The following MAGI1 variants were observed in gnomAD, a reference collection of about 807,000 sequenced individuals.
The protein encoded by MAGI1 is membrane-associated guanylate kinase, WW and PDZ domain-containing protein 1.
Under a neutral mutation model 139.9 loss-of-function variants are expected in MAGI1, and 58 were observed. That is an observed-to-expected ratio of 0.41 (90% CI 0.34 to 0.52). The LOEUF (loss-of-function observed/expected upper bound fraction) is 0.52, where lower values mean the gene tolerates loss of function less well. Among genes scored for constraint, MAGI1 ranks in the 20% least tolerant of loss-of-function variants. MAGI1 has a pLI of 0.12. For synonymous variants in MAGI1, 812 were observed against 737.9 expected (o/e 1.10, Z -1.63); for missense variants, 1,874 against 1,901.6 (o/e 0.99, Z 0.27).
intron 12 of MAGI1, among the ~76,000 whole-genome samples, chr3:65,429,051 A>T (rs1396263874): frequency 3.3e-5 from 5 of 152,140 alleles, no homozygotes; most frequent in Non-Finnish European, 7.4e-5. Flanking sequence ...GTTTGGAGTG[A>T]CCATAGCCAC....
At chr3:65,440,851 G>A (rs200998879) in intron 8 of MAGI1, among the ~76,000 whole-genome samples, 9 of 16,038 alleles carry the variant, frequency 5.6e-4, no homozygotes, top group African/African-American at 1.2e-3. Context: ...ATATACATAT[G>A]TATACATATA....
intron 12 of MAGI1, among the ~76,000 whole-genome samples, chr3:65,417,258 A>C (rs1946292492): frequency 6.6e-6 from 1 of 152,182 alleles, no homozygotes; most frequent in Admixed American, 6.5e-5. Context: ...TCTGCAGCAA[A>C]CCACCATGGC....
chr3:65,369,919 A>G (rs961114734), intron 18 of MAGI1, among the ~76,000 whole-genome samples: 17 of 152,200 alleles, frequency 1.1e-4, no homozygotes, highest in Non-Finnish European at 2.4e-4. Context: ...TGAAGTAAAT[A>G]TTCGAGTAAA....
intron 1 of MAGI1, among the ~76,000 whole-genome samples, chr3:65,690,883 T>C (rs2088570354): frequency 6.6e-6 from 1 of 152,304 alleles, no homozygotes; most frequent in Admixed American, 6.5e-5. Flanking sequence ...AATACTATGA[T>C]ATTCTGAGCA....
At chr3:65,421,552 C>T (rs1946629461) in intron 12 of MAGI1, among the ~76,000 whole-genome samples, 1 of 152,142 alleles carries the variant, frequency 6.6e-6, no homozygotes, top group African/African-American at 2.4e-5. Flanking sequence ...TTGTAACTTG[C>T]TGATAGCTCA....
intron 1 of MAGI1, among the ~76,000 whole-genome samples, chr3:65,825,813 C>G (rs1037463980): frequency 1.1e-4 from 16 of 152,042 alleles, no homozygotes; most frequent in African/African-American, 3.9e-4. Flanking sequence ...TATGGTGAAA[C>G]CCCGTCTCCA....
intron 1 of MAGI1, among the ~76,000 whole-genome samples, chr3:65,878,296 C>A (rs1159077607): frequency 6.6e-6 from 1 of 151,918 alleles, no homozygotes; most frequent in Non-Finnish European, 1.5e-5. Context: ...GCGGGCAGAT[C>A]ACCTGATATC....
At chr3:65,818,731 G>A (rs530679471) in intron 1 of MAGI1, among the ~76,000 whole-genome samples, 58 of 152,256 alleles carry the variant, frequency 3.8e-4, no homozygotes, top group Admixed American at 1.9e-3. Context: ...TCTTACTGAG[G>A]AGTTTCAACT....
At chr3:65,784,771 T>C (rs536723602) in intron 1 of MAGI1, among the ~76,000 whole-genome samples, 1 of 151,838 alleles carries the variant, frequency 6.6e-6, no homozygotes, top group African/African-American at 2.4e-5. Flanking sequence ...AACCACGGAA[T>C]AATATTTGGG....
intron 1 of MAGI1, among the ~76,000 whole-genome samples, chr3:65,819,126 A>C (rs2041788746): frequency 6.6e-6 from 1 of 152,092 alleles, no homozygotes; most frequent in Non-Finnish European, 1.5e-5. Context: ...CTCTATTAAA[A>C]ATACAAAATT....
At chr3:65,967,055 C>G (rs998816227) in intron 1 of MAGI1, among the ~76,000 whole-genome samples, 1 of 152,138 alleles carries the variant, frequency 6.6e-6, no homozygotes, top group African/African-American at 2.4e-5. Context: ...GCAACTTGCC[C>G]AGAGTCACAG....
At chr3:65,820,784 C>T in intron 1 of MAGI1, among the ~76,000 whole-genome samples, 1 of 152,096 alleles carries the variant, frequency 6.6e-6, no homozygotes, top group Non-Finnish European at 1.5e-5. Flanking sequence ...TCACTTGGGG[C>T]TTTATTTTTA....
chr3:65,757,228 C>T (rs2036632826), intron 1 of MAGI1, among the ~76,000 whole-genome samples: 1 of 152,170 alleles, frequency 6.6e-6, no homozygotes, highest in African/African-American at 2.4e-5. Flanking sequence ...GACTTATAAC[C>T]ATTCCAGAGG....
At chr3:65,844,612 C>T (rs1395081431) in intron 1 of MAGI1, among the ~76,000 whole-genome samples, 1 of 152,162 alleles carries the variant, frequency 6.6e-6, no homozygotes, top group Non-Finnish European at 1.5e-5. Flanking sequence ...ACATCATGAT[C>T]AACTGAGATC....
At chr3:65,955,722 A>G (rs1351311584) in intron 1 of MAGI1, among the ~76,000 whole-genome samples, 3 of 152,146 alleles carry the variant, frequency 2.0e-5, no homozygotes, top group Non-Finnish European at 4.4e-5. Flanking sequence ...CATTTCCAGA[A>G]CTGCTATGGT....
chr3:65,929,209 CCT>C (rs1272741456), intron 1 of MAGI1, among the ~76,000 whole-genome samples: 1 of 152,060 alleles, frequency 6.6e-6, no homozygotes. Flanking sequence ...GTAGAGCACC[CCT>C]GTTTGGGACA....
At chr3:65,394,300 C>A (rs1354711765) in intron 13 of MAGI1, among the ~76,000 whole-genome samples, 1 of 152,208 alleles carries the variant, frequency 6.6e-6, no homozygotes, top group Non-Finnish European at 1.5e-5. Flanking sequence ...CACCAAATGA[C>A]AGACACAATC....
chr3:65,641,712 G>C (rs974543639), intron 1 of MAGI1, among the ~76,000 whole-genome samples: 22 of 152,242 alleles, frequency 1.4e-4, no homozygotes, highest in Admixed American at 1.2e-3. Flanking sequence ...TCACAGCCCT[G>C]GGAATTTAAA....
chr3:65,510,584 C>T (rs368700615), intron 2 of MAGI1, among the ~76,000 whole-genome samples: 10 of 141,232 alleles, frequency 7.1e-5, no homozygotes, highest in South Asian at 2.5e-4. Flanking sequence ...TGAAATGAAG[C>T]GAGAAGGGAA....
Sources: allele counts gnomAD v4.1 joint callset (sites outside exome capture counted in the v4.1 genomes callset), GRCh38; gene constraint gnomAD v4.1.1; transcripts MANE v1.5; gene names NCBI Gene and HGNC (gene_info 2026-07-23, HGNC 2026-07-21).